CATSPERE: variants seen among roughly 807,000 people sequenced by gnomAD.
CATSPERE encodes the protein catsper channel auxiliary subunit epsilon, also known as cation channel sperm-associated auxiliary subunit epsilon.
CATSPERE carries 93 observed loss-of-function variants against 114.1 expected under a neutral mutation model. The ratio of observed to expected loss-of-function variants is 0.81; its 90% CI spans 0.69 to 0.97. CATSPERE has a LOEUF of 0.97. CATSPERE is among the 50% of genes least tolerant of loss of function. The pLI, the probability that CATSPERE is intolerant of heterozygous loss-of-function variation, is 0.00. For synonymous variants in CATSPERE, 341 were observed against 384.1 expected (o/e 0.89, Z 1.31); for missense variants, 1,058 against 1,131.6 (o/e 0.93, Z 0.93).
At position 244,591,677 on chromosome 1, in the gene CATSPERE, G is replaced by T. The variant is rs1219817452; in HGVS notation, c.2139-4G>T. ...TCAACTTCATTATGTTTTGTCTTTT[G>T]TAGATTTAGTAAAAAAGGATGTCAT... On this transcript the variant is annotated splice_region_variant and splice_polypyrimidine_tract_variant and intron_variant, in intron 14 of 21. Transcript: ENST00000366534. The T allele has an allele frequency of 1.4e-6, 2 of 1,476,750 alleles. No homozygotes were observed. The highest frequency in any genetic ancestry group is 1.9e-5 in the Admixed American group (1 of 53,260). The allele number at this position is 1,476,750 out of a possible 1,614,324, so 91.5% of individuals were successfully genotyped here. A position where few individuals can be genotyped will look rare whatever the true frequency, so the allele number is the denominator to read the frequency against.
intron 2 of CATSPERE, among the ~76,000 whole-genome samples, chr1:244,477,089 A>G (rs1197141626): frequency 6.6e-6 from 1 of 152,088 alleles, no homozygotes; most frequent in Non-Finnish European, 1.5e-5. Flanking sequence ...TCTGCCTCCC[A>G]GGTTCAAGCG....
intron 5 of CATSPERE, among the ~76,000 whole-genome samples, chr1:244,480,622 A>G (rs796810390): frequency 5.4e-5 from 3 of 55,206 alleles, no homozygotes; most frequent in African/African-American, 1.7e-4. Context: ...TCATGTCTTC[A>G]GTAAAGCATG....
chr1:244,523,087 A>G (rs1321469311), intron 8 of CATSPERE, among the ~76,000 whole-genome samples: 12 of 148,082 alleles, frequency 8.1e-5, no homozygotes, highest in Non-Finnish European at 1.5e-4. Context: ...AAAATCCTCA[A>G]TAAAATACTG....
rs1433217064 is a variant in CATSPERE, at chr1:244,573,370, C to G, written c.1950+598C>G. 2.0e-5 allele frequency among the ~76,000 whole-genome samples: 3 copies of G among 152,068 alleles called. No homozygotes were observed. The highest frequency in any genetic ancestry group is 2.9e-5 in the Non-Finnish European group (2 of 68,026). On this transcript the variant is annotated intron_variant, in intron 11 of 21. Coordinates refer to ENST00000366534, the MANE Select transcript of CATSPERE (RefSeq NM_001130957.2). This position sits in a 1 kb window ranked among gnomAD's most constrained non-coding sequence, Gnocchi z 4.0. ...AGGTTGCAGTGAGCCGAGATCACAC[C>G]ACTGCACTCCAGCCTGGGTGACAGA...
At position 244,512,598 on chromosome 1, in the gene CATSPERE, G is replaced by A. The variant is rs114793354; in HGVS notation, c.430-5994G>A. Among the ~76,000 whole-genome samples, 776 of 152,040 alleles carry A rather than the reference G, an allele frequency of 5.1e-3. 11 individuals carry two copies. Among genetic ancestry groups the A allele is most frequent in the African/African-American group, 0.018 (732 of 41,468 alleles). On this transcript the variant is annotated intron_variant, in intron 7 of 21. Transcript: ENST00000366534. Reference sequence around the variant, plus strand: ...CCTTTTTGTTGGGATCTGTTACAGAGAATTATTGTGTTCCTTTGGAAGAGC... The same window carrying A: ...CCTTTTTGTTGGGATCTGTTACAGAAAATTATTGTGTTCCTTTGGAAGAGC...
intron 11 of CATSPERE, 52 bp downstream of exon 11, chr1:244,572,824 T>C (rs1277377546): frequency 8.3e-7 from 1 of 1,199,620 alleles, no homozygotes; most frequent in East Asian, 2.7e-5. Flanking sequence ...TATAAAAGTA[T>C]AATATTAACA....
At chr1:244,451,914 A>G (rs1665633102), upstream of CATSPERE, 3 of 1,292,674 alleles carry the variant, frequency 2.3e-6, no homozygotes, top group South Asian at 3.2e-5. This position sits in a 1 kb window ranked among gnomAD's most constrained non-coding sequence, Gnocchi z 6.6. Context: ...GCAGAGGAAG[A>G]AGGAGCCAGA....
At chr1:244,539,216 A>C (rs1680840381) in intron 8 of CATSPERE, among the ~76,000 whole-genome samples, 1 of 151,634 alleles carries the variant, frequency 6.6e-6, no homozygotes, top group Admixed American at 6.6e-5. Context: ...CCTTTTCTGC[A>C]TCTATTGAGA....
chr1:244,582,652 T>G (rs2148615031), intron 12 of CATSPERE, among the ~76,000 whole-genome samples: 2 of 152,268 alleles, frequency 1.3e-5, no homozygotes, highest in South Asian at 4.1e-4. Flanking sequence ...TCCGCCCACC[T>G]TGGCTCCCCA....
chr1:244,563,581 A>G (rs1662926475), intron 10 of CATSPERE, among the ~76,000 whole-genome samples: 1 of 152,164 alleles, frequency 6.6e-6, no homozygotes, highest in Non-Finnish European at 1.5e-5. Flanking sequence ...GTGTCTGTTC[A>G]TATCCTTCAC....
rs185574111 is a variant in CATSPERE, at chr1:244,579,663, A to T, written c.1951-2133A>T. On this transcript the variant is annotated intron_variant, in intron 11 of 21. Coordinates refer to ENST00000366534, the MANE Select transcript of CATSPERE (RefSeq NM_001130957.2). Reference sequence around the variant, plus strand: ...GACCTTCAAACTACTAGTTATTCATAAAAAATATACAAATGACCAATGGCA... The same window carrying T: ...GACCTTCAAACTACTAGTTATTCATTAAAAATATACAAATGACCAATGGCA... 2.3e-3 allele frequency among the ~76,000 whole-genome samples: 344 copies of T among 152,334 alleles called. 3 individuals are homozygous for T. Among genetic ancestry groups the T allele is most frequent in the African/African-American group, 7.9e-3 (329 of 41,568 alleles).
At chr1:244,538,287 CAAAA>C (rs1680676143) in intron 8 of CATSPERE, among the ~76,000 whole-genome samples, 1 of 152,012 alleles carries the variant, frequency 6.6e-6, no homozygotes, top group South Asian at 2.1e-4. Flanking sequence ...AGAATCTTAC[CAAAA>C]TGACAGGGAG....
intron 20 of CATSPERE, among the ~76,000 whole-genome samples, chr1:244,621,914 CATT>C (rs1453456305): frequency 2.0e-5 from 3 of 152,198 alleles, no homozygotes; most frequent in Non-Finnish European, 4.4e-5. Flanking sequence ...TCCACATCAT[CATT>C]TACTTCTCCA....
intron 7 of CATSPERE, 45 bp downstream of exon 7, chr1:244,499,124 C>T: frequency 1.4e-6 from 2 of 1,447,400 alleles, no homozygotes; most frequent in Non-Finnish European, 1.9e-6. Context: ...CAGAATGCTG[C>T]CTTTCTTTTG....
chr1:244,583,716 C>T (rs573913184), intron 12 of CATSPERE, 148 bp from the exon 13 acceptor site: 11 of 622,916 alleles, frequency 1.8e-5, no homozygotes, highest in South Asian at 1.2e-4. Context: ...AGAGCTGTTA[C>T]CAGCAGCACC....
Position 244,574,541 on chromosome 1 carries a change from C to CT in CATSPERE, c.1950+1776dup, listed in dbSNP as rs370804147. On this transcript the variant is annotated intron_variant, in intron 11 of 21. Transcript: ENST00000366534. ...ATTTTATAGTTTTTTTCTCTTCAAA[C>CT]TTTTTTTAACATGTTTGGCTTAGCT... Among the ~76,000 whole-genome samples the CT allele has an allele frequency of 2.6e-3, 389 of 152,180 alleles. 3 individuals carry two copies. Among genetic ancestry groups the CT allele is most frequent in the African/African-American group, 8.6e-3 (359 of 41,542 alleles).
intron 20 of CATSPERE, among the ~76,000 whole-genome samples, chr1:244,622,731 G>A (rs560713593): frequency 5.9e-5 from 9 of 152,084 alleles, no homozygotes; most frequent in African/African-American, 9.7e-5. Flanking sequence ...TTGGTTCTTA[G>A]ATTCCCATAT....
Position 244,518,622 on chromosome 1 carries a change from A to T in CATSPERE, c.460A>T (p.Thr154Ser). 6.3e-7 allele frequency: 1 copy of T among 1,599,836 alleles called. No homozygotes were observed. The highest frequency in any genetic ancestry group is 8.6e-7 in the Non-Finnish European group (1 of 1,169,388). Residue 154 changes from threonine (T) to serine (S), a missense_variant, in exon 8 of 22, where the codon ACA (threonine) becomes TCA (serine). Physicochemically the swap from Thr to Ser is moderately conservative, Grantham distance 58. This residue lies in a region of CATSPERE where 271 missense variants were observed against 225.9 expected (regional missense o/e 1.20). Coordinates refer to ENST00000366534, the MANE Select transcript of CATSPERE (RefSeq NM_001130957.2). ...CATAGTACTCAGCACACAGATGGCCACATTGGGACAGAAGCCTGTCATACA... is the reference window on the plus strand; with the variant it reads ...CATAGTACTCAGCACACAGATGGCCTCATTGGGACAGAAGCCTGTCATACA... ...NSIVLSTQMATLGQKPVIHTV... is the reference protein window; with the variant it reads ...NSIVLSTQMASLGQKPVIHTV...
chr1:244,490,048 G>C (rs993593986), intron 5 of CATSPERE, among the ~76,000 whole-genome samples: 3 of 152,172 alleles, frequency 2.0e-5, no homozygotes, highest in Non-Finnish European at 4.4e-5. Flanking sequence ...GGATGAACAG[G>C]AGAGGGTAAG....
Sources: allele counts gnomAD v4.1 joint callset (sites outside exome capture counted in the v4.1 genomes callset), GRCh38; gene constraint gnomAD v4.1.1; regional missense constraint gnomAD v4.1.1; non-coding constraint Gnocchi (gnomAD v3.1); transcripts MANE v1.5; gene names NCBI Gene and HGNC (gene_info 2026-07-23, HGNC 2026-07-21).